Variants in CASTOR2 observed in about 807,000 individuals in gnomAD.
CASTOR2 encodes GATS protein like 2.
A neutral mutation model predicts 31.2 loss-of-function variants in CASTOR2; 8 were observed. The observed-to-expected ratio is 0.26, with a 90% CI of 0.15 to 0.46. The LOEUF (loss-of-function observed/expected upper bound fraction) is 0.46, where lower values mean the gene tolerates loss of function less well. Among genes scored for constraint, CASTOR2 ranks in the 20% least tolerant of loss-of-function variants. CASTOR2 has a pLI of 0.99. For synonymous variants in CASTOR2, 162 were observed against 158.7 expected, an observed-to-expected ratio of 1.02 and a Z score of -0.16; for missense variants, 216 against 382.1, an observed-to-expected ratio of 0.57 and a Z score of 3.62.
Position 75,027,798 on chromosome 7 carries a change from G to A in CASTOR2, c.*3099G>A, listed in dbSNP as rs970929847. The stretch of plus-strand genomic sequence containing the variant: ...GCTTGGTTTATCTTCTCGGCGTTCT[G>A]TGTGTAGCGTAGTCTTGGTTTGGTC... On this transcript the variant is annotated 3_prime_UTR_variant, in exon 9 of 9. Transcript: ENST00000616305. 5.6e-3 allele frequency: 3,232 copies of A among 581,436 alleles called. 91 individuals are homozygous for A. In the African/African-American group the frequency reaches 0.056, roughly 10 times the overall value. 36.0% of individuals were successfully genotyped at this position (581,436 alleles called of 1,614,324 possible).
chr7:75,018,171 A>T (rs1804910238), intron 4 of CASTOR2, 49 bp downstream of exon 4: 1 of 1,595,376 alleles, frequency 6.3e-7, no homozygotes, highest in African/African-American at 1.3e-5. Context: ...CGAAGTTACC[A>T]GGCCCAGCCG....
chr7:75,004,588 A>G (rs1210475664), intron 1 of CASTOR2, among the ~76,000 whole-genome samples: 1 of 151,968 alleles, frequency 6.6e-6, no homozygotes, highest in Admixed American at 6.6e-5. Context: ...CTGGGATTAC[A>G]GACGCCCACC....
Position 75,002,769 on chromosome 7 carries a change from C to T in CASTOR2, c.114-5225C>T, listed in dbSNP as rs1371332388. 1.6e-4 allele frequency among the ~76,000 whole-genome samples: 24 copies of T among 152,028 alleles called. 1 individual carries two copies. The South Asian group carries it at 3.1e-3, about 20-fold the overall frequency. ...GTGGGGAGTGGTGGAGAGGCGAAAA[C>T]GGATCTCAGAGTGACCTTCGAGTAT... On this transcript the variant is annotated intron_variant, in intron 1 of 8. Transcript: ENST00000616305.
chr7:75,024,119 C>G (rs990702770), intron 7 of CASTOR2, among the ~76,000 whole-genome samples: 96 of 152,218 alleles, frequency 6.3e-4, no homozygotes, highest in Non-Finnish European at 1.1e-3. Flanking sequence ...GAAACCCCAT[C>G]TCTACTAAAA....
rs201975775 is a variant in CASTOR2, at chr7:75,009,625, C to T, written c.184+1561C>T. ...TAAAATTAAGTGGCCCCCCCCGCCC[C>T]CACCAGGTGGAAAACATTAATGGAG... On this transcript the variant is annotated intron_variant, in intron 2 of 8. Transcript: ENST00000616305. 7.2e-4 allele frequency among the ~76,000 whole-genome samples: 109 copies of T among 152,072 alleles called. No individual in the cohort carries two copies. The East Asian group carries it at 0.021, about 29-fold the overall frequency.
rs1449510293 is a variant in CASTOR2, at chr7:75,026,719, T to G, written c.*2020T>G. On this transcript the variant is annotated 3_prime_UTR_variant, in exon 9 of 9. Coordinates refer to ENST00000616305, the MANE Select transcript of CASTOR2 (RefSeq NM_001145064.3). The stretch of plus-strand genomic sequence containing the variant: ...AAACTCCAGAACAAAACTCGTACAT[T>G]GCTGGTCCCAAAAGGGAGGTGGCCA... 6.6e-6 allele frequency among the ~76,000 whole-genome samples: 1 copy of G among 152,106 alleles called. No individual in the cohort carries two copies. The highest frequency in any genetic ancestry group is 1.9e-4 in the East Asian group (1 of 5,194).
intron 6 of CASTOR2, among the ~76,000 whole-genome samples, chr7:75,020,997 T>G (rs1260545654): frequency 6.6e-6 from 1 of 151,580 alleles, no homozygotes; most frequent in Admixed American, 6.6e-5. Context: ...TTTTTAATAT[T>G]TATTTACTTT....
Position 74,977,082 on chromosome 7 carries a change from G to C in CASTOR2, c.113+11984G>C, listed in dbSNP as rs1554435804. ...GCCTGTAATCCCAGCTACTGGGGAG[G>C]CTGAGGCAGGAGAATCGCTTGAACC... is the stretch of plus-strand genomic sequence containing the variant. On this transcript the variant is annotated intron_variant, in intron 1 of 8. Transcript: ENST00000616305. Among the ~76,000 whole-genome samples, 2 of 150,380 alleles carry C rather than the reference G, an allele frequency of 1.3e-5. 1 individual carries two copies. Among genetic ancestry groups the C allele is most frequent in the East Asian group, 4.0e-4 (2 of 5,020 alleles).
At chr7:75,007,744 G>C (rs1404143930) in intron 1 of CASTOR2, 1 of 595,356 alleles carries the variant, frequency 1.7e-6, no homozygotes, top group Non-Finnish European at 3.1e-6. Flanking sequence ...CATAGGGGCT[G>C]ACTGGCTCCG....
chr7:75,013,509 G>C (rs1378676388), intron 2 of CASTOR2, among the ~76,000 whole-genome samples: 1 of 152,056 alleles, frequency 6.6e-6, no homozygotes, highest in African/African-American at 2.4e-5. Context: ...CTGTTGTGGT[G>C]GCACATGGCT....
intron 2 of CASTOR2, 109 bp from the exon 3 acceptor site, chr7:75,017,489 G>C (rs1584476539): frequency 1.5e-6 from 2 of 1,317,428 alleles, no homozygotes; most frequent in East Asian, 5.0e-5. Flanking sequence ...AAGGCACAGG[G>C]TGGAGCTGGC....
intron 1 of CASTOR2, among the ~76,000 whole-genome samples, chr7:74,993,576 G>A (rs1482979589): frequency 2.0e-5 from 3 of 150,694 alleles, no homozygotes; most frequent in African/African-American, 4.9e-5. Context: ...TCAGCCTCTG[G>A]AGTAGCTGAG....
rs1295055745 is a variant in CASTOR2, at chr7:75,029,417, C to T, written c.*4718C>T. On this transcript the variant is annotated 3_prime_UTR_variant, in exon 9 of 9. Coordinates refer to ENST00000616305, the MANE Select transcript of CASTOR2 (RefSeq NM_001145064.3). ...GGAGTGCAGTGGTGCGATCTCGGTT[C>T]GCTGCAACCTCTGCTTCCCAGGTTC... Among the ~76,000 whole-genome samples, 6 of 140,738 alleles carry T rather than the reference C, an allele frequency of 4.3e-5. No homozygotes were observed. In the East Asian group the frequency reaches 1.1e-3, roughly 25 times the overall value. The allele number at this position is 140,738 out of a possible 152,430, so 92.3% of individuals were successfully genotyped here. A position where few individuals can be genotyped will look rare whatever the true frequency, so the allele number is the denominator to read the frequency against.
At position 75,005,577 on chromosome 7, in the gene CASTOR2, A is replaced by G. The variant is rs1804588506; in HGVS notation, c.114-2417A>G. Among the ~76,000 whole-genome samples the G allele has an allele frequency of 3.3e-5, 5 of 152,232 alleles. No individual in the cohort carries two copies. The South Asian group carries it at 1.0e-3, about 31-fold the overall frequency. ...GTTGTTTCCAATTTAGGGCAAATAC[A>G]AACAGGCAATATGTATTTGCACCTA... On this transcript the variant is annotated intron_variant, in intron 1 of 8. Coordinates refer to ENST00000616305, the MANE Select transcript of CASTOR2 (RefSeq NM_001145064.3).
chr7:74,990,279 T>C (rs1245378882), intron 1 of CASTOR2, among the ~76,000 whole-genome samples: 99,708 of 150,756 alleles, frequency 0.66, 35,537 homozygotes, highest in East Asian at 0.93. Flanking sequence ...TCCCAGCTAC[T>C]CGGGAGGCTG....
intron 1 of CASTOR2, among the ~76,000 whole-genome samples, chr7:74,972,011 C>A (rs2131913453): frequency 6.6e-6 from 1 of 150,956 alleles, no homozygotes; most frequent in South Asian, 2.1e-4. Context: ...TGGAGACAAG[C>A]TCTGTTGCCC....
chr7:75,004,051 G>A (rs1340864424), intron 1 of CASTOR2, among the ~76,000 whole-genome samples: 2 of 152,128 alleles, frequency 1.3e-5, no homozygotes, highest in Non-Finnish European at 2.9e-5. Flanking sequence ...CCTCAGAGCC[G>A]AGGGCGCCGG....
intron 1 of CASTOR2, among the ~76,000 whole-genome samples, chr7:74,989,325 TAGCTCACTGCAGCCTGGACCTCCTG>T (rs1804149443): frequency 6.6e-6 from 1 of 150,866 alleles, no homozygotes; most frequent in Non-Finnish European, 1.5e-5. Context: ...AGTGCAGTTA[TAGCTCACTGCAGCCTGGACCTCCTG>T]GGCTCAAGCA....
intron 6 of CASTOR2, 146 bp from the exon 7 acceptor site, chr7:75,021,728 G>A (rs1409351301): frequency 1.2e-5 from 11 of 956,378 alleles, no homozygotes; most frequent in Admixed American, 2.0e-5. Context: ...CAGGGTGTCT[G>A]GAAGGGATTG....
Sources: gnomAD v4.1 joint callset for allele counts (sites outside exome capture counted in the v4.1 genomes callset) on GRCh38, gnomAD v4.1.1 for gene constraint, MANE v1.5 for transcripts, NCBI Gene and HGNC (gene_info 2026-07-23, HGNC 2026-07-21) for gene names.